The following NAALADL2 variants were observed in gnomAD, a reference collection of about 807,000 sequenced individuals.
The protein encoded by NAALADL2 is inactive N-acetylated-alpha-linked acidic dipeptidase-like protein 2.
A neutral mutation model predicts 87.2 loss-of-function variants in NAALADL2; 76 were observed. The observed-to-expected ratio is 0.87, with a 90% confidence interval of 0.72 to 1.05. The LOEUF (loss-of-function observed/expected upper bound fraction) is 1.05. Among genes scored for constraint, NAALADL2 ranks in the 50% least tolerant of loss-of-function variants. NAALADL2 has a pLI of 0.00. For synonymous variants in NAALADL2, 354 were observed against 331.0 expected (o/e 1.07, Z -0.75); for missense variants, 1,089 against 945.8 (o/e 1.15, Z -1.99).
chr3:174,787,704 G>A (rs746034200), intron 3 of NAALADL2, among the ~76,000 whole-genome samples: 15 of 145,500 alleles, frequency 1.0e-4, no homozygotes, highest in Non-Finnish European at 2.1e-4. Flanking sequence ...AAAGAGAAGT[G>A]GATTAAGTAT....
intron 1 of NAALADL2, among the ~76,000 whole-genome samples, chr3:175,081,562 A>G (rs1317682231): frequency 2.0e-5 from 3 of 152,174 alleles, no homozygotes; most frequent in Non-Finnish European, 4.4e-5. Context: ...TTTCTTTCCT[A>G]CTGGCCTCTA....
intron 5 of NAALADL2, among the ~76,000 whole-genome samples, chr3:175,417,232 A>G (rs965292152): frequency 1.3e-5 from 2 of 151,774 alleles, no homozygotes; most frequent in African/African-American, 2.4e-5. Flanking sequence ...GTAAACTATA[A>G]TGCATCTACT....
intron 3 of NAALADL2, among the ~76,000 whole-genome samples, chr3:174,756,249 A>G (rs1712059153): frequency 6.6e-6 from 1 of 152,200 alleles, no homozygotes; most frequent in South Asian, 2.1e-4. Flanking sequence ...TTTCTTCTTC[A>G]GTTTGAATAG....
rs374468828 is a variant in NAALADL2 at position 174,738,969 on chromosome 3, T to C, written c.-9+1223T>C. Among the ~76,000 whole-genome samples, 32 of 152,290 alleles carry C rather than the reference T, an allele frequency of 2.1e-4. 1 individual carries two copies. Among genetic ancestry groups the C allele is most frequent in the African/African-American group, 7.0e-4 (29 of 41,554 alleles). On this transcript the variant is annotated intron_variant, in intron 3 of 3. Transcript: ENST00000434257. ...GAGAACTTCAACTCTAGGACTGACATCCAAGAATAAAACTAGCCTGTAAAT... is the reference window on the plus strand; with the variant it reads ...GAGAACTTCAACTCTAGGACTGACACCCAAGAATAAAACTAGCCTGTAAAT...
At chr3:174,966,962 A>G (rs1429971342) in intron 1 of NAALADL2, among the ~76,000 whole-genome samples, 2 of 152,192 alleles carry the variant, frequency 1.3e-5, no homozygotes, top group Non-Finnish European at 2.9e-5. Flanking sequence ...AAGTGTTATC[A>G]CAGAAAGTAT....
intron 1 of NAALADL2, among the ~76,000 whole-genome samples, chr3:175,082,938 T>C (rs1029880999): frequency 6.6e-6 from 1 of 152,330 alleles, no homozygotes; most frequent in African/African-American, 2.4e-5. Context: ...CCTTTCAAAA[T>C]GTATTATGTA....
At chr3:175,005,886 T>C (rs1312873963) in intron 1 of NAALADL2, among the ~76,000 whole-genome samples, 1 of 152,222 alleles carries the variant, frequency 6.6e-6, no homozygotes, top group East Asian at 1.9e-4. Flanking sequence ...ATCAGCCATC[T>C]TCAGAATATT....
chr3:174,624,346 G>A (rs946831051), intron 2 of NAALADL2, among the ~76,000 whole-genome samples: 1 of 152,092 alleles, frequency 6.6e-6, no homozygotes, highest in African/African-American at 2.4e-5. Context: ...CATCGGGGCC[G>A]GGCGCGGTGG....
chr3:174,921,849 T>A (rs967355082), intron 1 of NAALADL2, among the ~76,000 whole-genome samples: 1 of 150,462 alleles, frequency 6.6e-6, no homozygotes, highest in Non-Finnish European at 1.5e-5. Flanking sequence ...GAAAAAAATC[T>A]TCTTAGTATT....
At chr3:174,770,667 C>T (rs190378539) in intron 3 of NAALADL2, among the ~76,000 whole-genome samples, 9 of 151,822 alleles carry the variant, frequency 5.9e-5, no homozygotes, top group Admixed American at 1.3e-4. Flanking sequence ...GGTGAAAACC[C>T]GTCTCTACTA....
At chr3:175,590,448 ATATGG>A (rs763658221) in intron 10 of NAALADL2, among the ~76,000 whole-genome samples, 138 of 152,086 alleles carry the variant, frequency 9.1e-4, no homozygotes, top group Non-Finnish European at 1.6e-3. Flanking sequence ...AATAGAAATA[ATATGG>A]TATAGAGGTT....
chr3:174,996,144 G>C (rs1267997291), intron 1 of NAALADL2, among the ~76,000 whole-genome samples: 1 of 152,100 alleles, frequency 6.6e-6, no homozygotes, highest in African/African-American at 2.4e-5. Flanking sequence ...AATATAACAT[G>C]GCAAATCTTT....
Position 175,429,210 on chromosome 3 carries a change from C to CACACAT in NAALADL2, c.1091-18018_1091-18017insCACATA, listed in dbSNP as rs76602013. Among the ~76,000 whole-genome samples the CACACAT allele has an allele frequency of 2.0e-3, 290 of 147,948 alleles. 2 individuals carry two copies. Among genetic ancestry groups the CACACAT allele is most frequent in the East Asian group, 5.6e-3 (28 of 5,020 alleles). ...ACACACACACACACACACACACACA[C>CACACAT]ATATATATACATATTCCTTCTTTAT... is the stretch of plus-strand genomic sequence containing the variant. On this transcript the variant is annotated intron_variant, in intron 5 of 13. Coordinates refer to ENST00000454872, the MANE Select transcript of NAALADL2 (RefSeq NM_207015.3).
At chr3:174,564,038 C>CAGAT (rs1713944535) in intron 2 of NAALADL2, among the ~76,000 whole-genome samples, 1 of 152,122 alleles carries the variant, frequency 6.6e-6, no homozygotes, top group South Asian at 2.1e-4. Flanking sequence ...GTCCTCCAGT[C>CAGAT]AGATAGCAAG....
At chr3:174,651,891 C>G (rs1724397375) in intron 2 of NAALADL2, among the ~76,000 whole-genome samples, 1 of 152,114 alleles carries the variant, frequency 6.6e-6, no homozygotes, top group Non-Finnish European at 1.5e-5. Context: ...GTTTAAAACT[C>G]AGTGGAATTT....
chr3:174,850,171 T>C (rs1725089646), intron 3 of NAALADL2, among the ~76,000 whole-genome samples: 1 of 152,172 alleles, frequency 6.6e-6, no homozygotes, highest in Non-Finnish European at 1.5e-5. Flanking sequence ...GGATATAATA[T>C]TCTAGGTTGG....
intron 3 of NAALADL2, among the ~76,000 whole-genome samples, chr3:174,773,300 G>T (rs566461): frequency 6.6e-6 from 1 of 151,978 alleles, no homozygotes; most frequent in Non-Finnish European, 1.5e-5. Flanking sequence ...TCTCTTTCCT[G>T]TTGTTAGTTA....
chr3:175,341,523 A>G (rs1330401220), intron 5 of NAALADL2, among the ~76,000 whole-genome samples: 5 of 152,098 alleles, frequency 3.3e-5, no homozygotes, highest in Admixed American at 1.3e-4. Flanking sequence ...GCATGTACCT[A>G]AGAGTAGAAT....
intron 4 of NAALADL2, among the ~76,000 whole-genome samples, chr3:175,314,563 CTATATATATATATATA>C (rs57049565): frequency 3.0e-4 from 21 of 69,614 alleles, no homozygotes; most frequent in African/African-American, 5.3e-4. Context: ...CACATTCTAA[CTATATATATATATATA>C]TATATATATA....
Sources: allele counts gnomAD v4.1 joint callset (sites outside exome capture counted in the v4.1 genomes callset), GRCh38; gene constraint gnomAD v4.1.1; transcripts MANE v1.5; gene names NCBI Gene and HGNC (gene_info 2026-07-23, HGNC 2026-07-21).